Variants in RELN observed in about 807,000 individuals in gnomAD.
The protein encoded by RELN is reelin.
In RELN, 108 loss-of-function variants were observed where a neutral mutation model predicts 427.6. The observed-to-expected ratio is 0.25, with a 90% CI of 0.22 to 0.30. The LOEUF is 0.30. RELN is among the 10% of genes least tolerant of loss of function. RELN has a pLI of 1.00. For missense variants in RELN, 3,715 were observed against 4,302.8 expected, an observed-to-expected ratio of 0.86 and a Z score of 3.82; for synonymous variants, 1,524 against 1,513.4, an observed-to-expected ratio of 1.01 and a Z score of -0.16.
intron 6 of RELN, among the ~76,000 whole-genome samples, chr7:103,741,870 C>G (rs1790670250): frequency 6.6e-6 from 1 of 152,174 alleles, no homozygotes; most frequent in Admixed American, 6.5e-5. Flanking sequence ...GTGAGCGACG[C>G]AGAAGATGGG....
intron 1 of RELN, 55 bp from the exon 2 acceptor site, chr7:103,917,240 T>G: frequency 7.6e-7 from 1 of 1,317,304 alleles, no homozygotes. Context: ...TAACACAATA[T>G]ATTTCTGAAG....
chr7:103,770,059 C>A (rs1791525503), intron 4 of RELN, among the ~76,000 whole-genome samples: 1 of 149,510 alleles, frequency 6.7e-6, no homozygotes, highest in Non-Finnish European at 1.5e-5. Flanking sequence ...CCAAATACAG[C>A]ACAAATCTTT....
chr7:103,582,137 G>A (rs1386935101), intron 28 of RELN, among the ~76,000 whole-genome samples: 1 of 152,174 alleles, frequency 6.6e-6, no homozygotes, highest in Non-Finnish European at 1.5e-5. Flanking sequence ...GTTAAGAGAT[G>A]GCAAAATCTG....
rs1827879303 is a variant in RELN at position 103,472,121 on chromosome 7, A to G, written c.*691T>C. 6.6e-6 allele frequency: 1 copy of G among 152,534 alleles called. No homozygotes were observed. Among genetic ancestry groups the G allele is most frequent in the South Asian group, 2.1e-4 (1 of 4,838 alleles). The allele number at this position is 152,534 out of a possible 1,614,324, so 9.4% of individuals were successfully genotyped here. ...CTTATTTGTGGGAGATAGGGTCTTCATCCACAATTTAAAGTAGAAAATATT... is the reference window on the plus strand; with the variant it reads ...CTTATTTGTGGGAGATAGGGTCTTCGTCCACAATTTAAAGTAGAAAATATT... On this transcript the variant is annotated 3_prime_UTR_variant, in exon 65 of 65. Coordinates refer to ENST00000428762, the MANE Select transcript of RELN (RefSeq NM_005045.4).
intron 42 of RELN, 33 bp downstream of exon 42, chr7:103,545,091 C>A (rs759206816): frequency 1.3e-6 from 2 of 1,557,670 alleles, no homozygotes; most frequent in Non-Finnish European, 1.8e-6. Flanking sequence ...AGTTCTTTCA[C>A]AAGACTACAT....
At chr7:103,846,149 C>T (rs1168365097) in intron 2 of RELN, among the ~76,000 whole-genome samples, 4 of 152,098 alleles carry the variant, frequency 2.6e-5, no homozygotes, top group Non-Finnish European at 5.9e-5. Context: ...AAGAATGAAG[C>T]TGGAGGCATC....
intron 2 of RELN, among the ~76,000 whole-genome samples, chr7:103,868,433 G>A (rs985896791): frequency 2.6e-5 from 4 of 151,970 alleles, no homozygotes; most frequent in African/African-American, 4.8e-5. Flanking sequence ...TACAGAAAAC[G>A]TAAAATGAGA....
intron 29 of RELN, among the ~76,000 whole-genome samples, chr7:103,574,813 A>G (rs974647561): frequency 2.6e-5 from 4 of 152,190 alleles, no homozygotes; most frequent in African/African-American, 7.2e-5. Flanking sequence ...TGTCTCCAGG[A>G]AAAATAATAA....
chr7:103,658,578 C>T (rs1344261317), intron 12 of RELN, among the ~76,000 whole-genome samples: 2 of 152,094 alleles, frequency 1.3e-5, no homozygotes, highest in African/African-American at 4.8e-5. Context: ...CTATCCCATC[C>T]TAAAAACACC....
intron 7 of RELN, among the ~76,000 whole-genome samples, chr7:103,725,969 G>A (rs1055182426): frequency 9.9e-5 from 15 of 152,238 alleles, no homozygotes; most frequent in Non-Finnish European, 1.5e-4. Context: ...TTCTTTGCTC[G>A]TGGTTCTTTT....
intron 19 of RELN, among the ~76,000 whole-genome samples, chr7:103,631,780 T>C (rs938002868): frequency 5.9e-5 from 9 of 152,094 alleles, no homozygotes; most frequent in Non-Finnish European, 1.0e-4. Context: ...TGCATATATT[T>C]ATAAAACTAC....
intron 1 of RELN, among the ~76,000 whole-genome samples, chr7:103,975,515 G>GTTTTTTTT (rs35356053): frequency 1.3e-4 from 19 of 141,882 alleles, no homozygotes; most frequent in South Asian, 2.3e-4. Flanking sequence ...GAATGGAGCA[G>GTTTTTTTT]TATTTATTTA....
At chr7:103,527,984 G>C (rs1344288537) in intron 46 of RELN, among the ~76,000 whole-genome samples, 4 of 152,208 alleles carry the variant, frequency 2.6e-5, no homozygotes, top group African/African-American at 4.8e-5. Flanking sequence ...GAATGTAAAA[G>C]AGTACAGCTG....
chr7:103,665,722 G>A (rs1833250693), intron 11 of RELN, among the ~76,000 whole-genome samples: 1 of 152,156 alleles, frequency 6.6e-6, no homozygotes, highest in South Asian at 2.1e-4. Flanking sequence ...GAAACTTGGT[G>A]TACCTTGTCA....
chr7:103,488,964 C>G (rs1429724530), intron 60 of RELN, among the ~76,000 whole-genome samples: 1 of 152,122 alleles, frequency 6.6e-6, no homozygotes, highest in Admixed American at 6.5e-5. Flanking sequence ...TTGCTATCGG[C>G]CAGGTATTAA....
At chr7:103,918,041 C>T (rs1289418802) in intron 1 of RELN, among the ~76,000 whole-genome samples, 1 of 152,098 alleles carries the variant, frequency 6.6e-6, no homozygotes, top group East Asian at 1.9e-4. Flanking sequence ...AGGCTGTCAT[C>T]ATCCTTGGTG....
chr7:103,477,742 A>G (rs1828086300), intron 64 of RELN, among the ~76,000 whole-genome samples: 1 of 152,226 alleles, frequency 6.6e-6, no homozygotes. Context: ...AGCACTATAT[A>G]TAGATGTTCA....
chr7:103,980,085 A>G (rs1352977196), intron 1 of RELN, among the ~76,000 whole-genome samples: 1 of 151,928 alleles, frequency 6.6e-6, no homozygotes, highest in African/African-American at 2.4e-5. Flanking sequence ...TGCTTGAATC[A>G]GGAGGCGGAG....
At chr7:103,692,670 T>G (rs1239210000) in intron 10 of RELN, among the ~76,000 whole-genome samples, 1 of 152,052 alleles carries the variant, frequency 6.6e-6, no homozygotes, top group Non-Finnish European at 1.5e-5. Flanking sequence ...ACTCGATGAC[T>G]CTTTTGGTCT....
Sources: allele counts gnomAD v4.1 joint callset (sites outside exome capture counted in the v4.1 genomes callset), GRCh38; gene constraint gnomAD v4.1.1; transcripts MANE v1.5; gene names NCBI Gene and HGNC (gene_info 2026-07-23, HGNC 2026-07-21).